The following DDX50 variants were observed in gnomAD, a reference collection of about 807,000 sequenced individuals.
The protein encoded by DDX50 is DExD-box helicase 50, also known as ATP-dependent RNA helicase DDX50.
A neutral mutation model predicts 94.8 loss-of-function variants in DDX50; 56 were observed. The ratio of observed to expected loss-of-function variants is 0.59; its 90% CI spans 0.48 to 0.74. The LOEUF (loss-of-function observed/expected upper bound fraction) is 0.74, where lower values mean the gene tolerates loss of function less well. DDX50 is among the 30% of genes least tolerant of loss of function. DDX50 has a pLI of 0.00. For missense variants in DDX50, 713 were observed against 881.2 expected, an observed-to-expected ratio of 0.81 and a Z score of 2.42; for synonymous variants, 264 against 295.4, an observed-to-expected ratio of 0.89 and a Z score of 1.09.
intron 7 of DDX50, among the ~76,000 whole-genome samples, chr10:68,918,427 CCTT>C (rs1211007785): frequency 1.5e-4 from 19 of 130,876 alleles, no homozygotes; most frequent in Admixed American, 1.3e-3. Flanking sequence ...TCCATTCCCT[CCTT>C]TTTTTTTTTT....
chr10:68,934,053 CT>C lies in DDX50; in HGVS notation c.1240-135del, dbSNP rs34877781. On this transcript the variant is annotated intron_variant, in intron 8 of 14. Coordinates refer to ENST00000373585, the MANE Select transcript of DDX50 (RefSeq NM_024045.2). The surrounding 1 kb of genome is among the most constrained non-coding windows in gnomAD (Gnocchi z 4.0). ...GTTAAATATTTTCTGTCATGTTTGA[CT>C]TTTTTTTTTTACAGTAAGCATGCAT... The C allele has an allele frequency of 0.085, 45,427 of 534,050 alleles. No homozygotes were observed. The highest frequency in any genetic ancestry group is 0.13 in the East Asian group (2,665 of 20,506). 33.1% of individuals were successfully genotyped at this position (534,050 alleles called of 1,614,324 possible). A position where few individuals can be genotyped will look rare whatever the true frequency, so the allele number is the denominator to read the frequency against.
intron 2 of DDX50, 54 bp downstream of exon 2, chr10:68,907,061 T>C (rs531833549): frequency 1.3e-6 from 2 of 1,511,336 alleles, no homozygotes; most frequent in Non-Finnish European, 1.8e-6. Flanking sequence ...ATAGGTTGAT[T>C]TGAATTTTTT....
chr10:68,923,183 ATAT>A (rs1418901053), intron 8 of DDX50, among the ~76,000 whole-genome samples: 1 of 143,156 alleles, frequency 7.0e-6, no homozygotes, highest in Non-Finnish European at 1.5e-5. Flanking sequence ...AAACTTTTAT[ATAT>A]TATTTATATA....
chr10:68,934,152 T>G lies in DDX50; in HGVS notation c.1240-47T>G. On this transcript the variant is annotated intron_variant, in intron 8 of 14. Transcript: ENST00000373585. The surrounding 1 kb of genome is among the most constrained non-coding windows in gnomAD (Gnocchi z 4.0). ...GACTAGATGTTGTTGTGCTATCAGT[T>G]GCAAGTATGAGCTGTACACTTAATT... 6.4e-7 allele frequency: 1 copy of G among 1,559,548 alleles called. No homozygotes were observed. Among genetic ancestry groups the G allele is most frequent in the Non-Finnish European group, 8.7e-7 (1 of 1,153,096 alleles).
chr10:68,925,099 T>G lies in DDX50; in HGVS notation c.1239+5118T>G, dbSNP rs993221236. Among the ~76,000 whole-genome samples the G allele has an allele frequency of 2.2e-4, 23 of 103,390 alleles. 1 individual carries two copies. Among genetic ancestry groups the G allele is most frequent in the Admixed American group, 1.9e-3 (22 of 11,360 alleles). 67.8% of individuals were successfully genotyped at this position (103,390 alleles called of 152,430 possible). ...AATTATCCTTCCCTGCTCATGGTTT[T>G]TTTTTTTTTTTTTTTTTTTTTGAGA... is the stretch of plus-strand genomic sequence containing the variant. On this transcript the variant is annotated intron_variant, in intron 8 of 14. Transcript: ENST00000373585.
intron 7 of DDX50, among the ~76,000 whole-genome samples, 181 bp from the exon 8 acceptor site, chr10:68,919,651 T>G (rs1841892277): frequency 6.6e-6 from 1 of 152,244 alleles, no homozygotes; most frequent in Admixed American, 6.5e-5. Flanking sequence ...AGTTTGTTTA[T>G]TCTTTCGTCA....
At chr10:68,928,511 A>G (rs914683770) in intron 8 of DDX50, among the ~76,000 whole-genome samples, 3 of 152,138 alleles carry the variant, frequency 2.0e-5, no homozygotes, top group Non-Finnish European at 4.4e-5. Context: ...TCTCTATATT[A>G]TTTTTTAAAA....
chr10:68,915,203 G>A (rs948839346), intron 7 of DDX50, among the ~76,000 whole-genome samples: 1 of 151,870 alleles, frequency 6.6e-6, no homozygotes, highest in Admixed American at 6.6e-5. Flanking sequence ...AATGAGGTCA[G>A]GAGATCGAGA....
chr10:68,925,095 G>GTTTTTTTTTTTTTTT lies in DDX50; in HGVS notation c.1239+5125_1239+5139dup, dbSNP rs1239190321. On this transcript the variant is annotated intron_variant, in intron 8 of 14. Transcript: ENST00000373585. ...CAAGAATTATCCTTCCCTGCTCATGGTTTTTTTTTTTTTTTTTTTTTTTTT... is the reference window on the plus strand; with the variant it reads ...CAAGAATTATCCTTCCCTGCTCATGGTTTTTTTTTTTTTTTTTTTTTTTTTTTTTTTTTTTTTTTT... Among the ~76,000 whole-genome samples the GTTTTTTTTTTTTTTT allele has an allele frequency of 2.8e-4, 8 of 28,558 alleles. 1 individual carries two copies. The highest frequency in any genetic ancestry group is 9.0e-4 in the African/African-American group (8 of 8,854). 18.7% of individuals were successfully genotyped at this position (28,558 alleles called of 152,430 possible).
intron 2 of DDX50, among the ~76,000 whole-genome samples, chr10:68,908,538 T>G (rs1372086411): frequency 1.3e-5 from 2 of 150,218 alleles, no homozygotes; most frequent in East Asian, 1.9e-4. Context: ...GTGCATAGAG[T>G]GAAGACTGGA....
At chr10:68,937,122 T>C in intron 12 of DDX50, 27 bp downstream of exon 12, 2 of 1,572,104 alleles carry the variant, frequency 1.3e-6, no homozygotes, top group Non-Finnish European at 1.7e-6. Context: ...AAATTGTACA[T>C]GAGTGGGAAA....
chr10:68,901,648 G>T lies in DDX50; in HGVS notation c.87+177G>T, dbSNP rs894900480. On this transcript the variant is annotated intron_variant, in intron 1 of 14. Coordinates refer to ENST00000373585, the MANE Select transcript of DDX50 (RefSeq NM_024045.2). ...GGACCGTTTCCACCTCCACCCTCCC[G>T]ACCTGGAGAAAGATGGCCCTGGGCT... Among the ~76,000 whole-genome samples the T allele has an allele frequency of 3.3e-5, 5 of 152,122 alleles. No homozygotes were observed. In the South Asian group the frequency reaches 6.2e-4, roughly 19 times the overall value.
chr10:68,945,280 C>A (rs1371170596), intron 14 of DDX50, among the ~76,000 whole-genome samples: 7 of 151,086 alleles, frequency 4.6e-5, no homozygotes, highest in African/African-American at 1.5e-4. Context: ...AGAAAGATAG[C>A]CTTAGCAACA....
chr10:68,918,017 G>A (rs10823270), intron 7 of DDX50, among the ~76,000 whole-genome samples: 27,524 of 151,374 alleles, frequency 0.18, 3,122 homozygotes, highest in East Asian at 0.54. Flanking sequence ...CTCTGCCTCC[G>A]GGGTTCAAGC....
chr10:68,910,772 T>G (rs1841601909), intron 3 of DDX50, among the ~76,000 whole-genome samples: 1 of 152,234 alleles, frequency 6.6e-6, no homozygotes, highest in Non-Finnish European at 1.5e-5. Context: ...CCTGTGCCTT[T>G]TCTGACCAAA....
rs1842317921 is a variant in DDX50 at position 68,933,173 on chromosome 10, A to G, written c.1240-1026A>G. Among the ~76,000 whole-genome samples the G allele has an allele frequency of 2.0e-5, 3 of 151,552 alleles. 1 individual carries two copies. Among genetic ancestry groups the G allele is most frequent in the Admixed American group, 2.0e-4 (3 of 15,158 alleles). On this transcript the variant is annotated intron_variant, in intron 8 of 14. Coordinates refer to ENST00000373585, the MANE Select transcript of DDX50 (RefSeq NM_024045.2). ...AACCTCCACCTCCCGGGTTCAAGCT[A>G]TTCTCCTGTCTCAGCCTCCCAAGTA...
chr10:68,908,107 G>C (rs184729370), intron 2 of DDX50, among the ~76,000 whole-genome samples: 154 of 152,242 alleles, frequency 1.0e-3, no homozygotes, highest in African/African-American at 3.5e-3. Context: ...ATAGAATACA[G>C]CTATCCCAAA....
chr10:68,944,249 G>A (rs1233208955), intron 14 of DDX50, among the ~76,000 whole-genome samples: 2 of 152,018 alleles, frequency 1.3e-5, no homozygotes, highest in African/African-American at 2.4e-5. Context: ...GTAATTTGAT[G>A]TTTCTTAAGT....
At chr10:68,944,399 A>G (rs1460643890) in intron 14 of DDX50, among the ~76,000 whole-genome samples, 2 of 152,180 alleles carry the variant, frequency 1.3e-5, no homozygotes, top group Admixed American at 6.5e-5. Context: ...GAATTTGTCT[A>G]TTGTATCTCA....
Sources: gnomAD v4.1 joint callset for allele counts (sites outside exome capture counted in the v4.1 genomes callset) on GRCh38, gnomAD v4.1.1 for gene constraint, Gnocchi (gnomAD v3.1) non-coding constraint, MANE v1.5 for transcripts, NCBI Gene and HGNC (gene_info 2026-07-23, HGNC 2026-07-21) for gene names.